The following FBXO27 variants were observed in gnomAD, a reference collection of about 807,000 sequenced individuals.
FBXO27 encodes F-box protein 27.
A neutral mutation model predicts 28.3 loss-of-function variants in FBXO27; 28 were observed. That is an observed-to-expected ratio of 0.99 (90% CI 0.73 to 1.36). FBXO27 has a LOEUF of 1.36. FBXO27 is among the 40% of genes most tolerant of loss of function. The probability of loss-of-function intolerance (pLI) is 0.00; values close to 1 mark genes in which losing one functional copy is unlikely to be tolerated. For synonymous variants in FBXO27, 175 were observed against 167.3 expected, an observed-to-expected ratio of 1.05 and a Z score of -0.36; for missense variants, 388 against 394.1, an observed-to-expected ratio of 0.98 and a Z score of 0.13.
At chr19:39,022,695 CA>C (rs1322424336), downstream of FBXO27, among the ~76,000 whole-genome samples, 1 of 152,202 alleles carries the variant, frequency 6.6e-6, no homozygotes, top group Non-Finnish European at 1.5e-5. Context: ...TGGATCACTG[CA>C]ACCTCTGCCT....
chr19:39,032,358 T>C lies in FBXO27; in HGVS notation c.-26-105A>G. 1.6e-6 allele frequency: 2 copies of C among 1,279,342 alleles called. No homozygotes were observed. The highest frequency in any genetic ancestry group is 2.0e-6 in the Non-Finnish European group (2 of 990,268). The allele number at this position is 1,279,342 out of a possible 1,614,324, so 79.2% of individuals were successfully genotyped here. On this transcript the variant is annotated intron_variant, in intron 1 of 5. Coordinates refer to ENST00000292853, the MANE Select transcript of FBXO27 (RefSeq NM_178820.5). This position sits in a 1 kb window ranked among gnomAD's most constrained non-coding sequence, Gnocchi z 4.7. ...GCCGCACCCCCGTCTTCACCATCCCTGGGCCCCGTCCCCAAGTCCCCATCC... is the reference window on the plus strand; with the variant it reads ...GCCGCACCCCCGTCTTCACCATCCCCGGGCCCCGTCCCCAAGTCCCCATCC...
intron 2 of FBXO27, among the ~76,000 whole-genome samples, chr19:39,011,429 C>T (rs931740383): frequency 6.6e-6 from 1 of 152,162 alleles, no homozygotes; most frequent in Non-Finnish European, 1.5e-5. Flanking sequence ...GAAACTCTCT[C>T]TCTCAAAACA....
intron 5 of FBXO27, among the ~76,000 whole-genome samples, chr19:39,026,332 A>T (rs1187438625): frequency 3.3e-5 from 5 of 152,096 alleles, no homozygotes; most frequent in African/African-American, 1.2e-4. Context: ...AGCTACACAC[A>T]TACTACCCAC....
intron 2 of FBXO27, among the ~76,000 whole-genome samples, chr19:39,011,805 T>C (rs541805204): frequency 1.5e-4 from 23 of 149,858 alleles, no homozygotes; most frequent in Admixed American, 1.4e-3. Context: ...TAAGCCACTA[T>C]GCTGAGCCCT....
In FBXO27 at chr19:39,025,168, C is replaced by T; in HGVS notation, c.*243G>A. Reference sequence around the variant, plus strand: ...CCCCCATGCTCACTTGTGGGTTTCCCCTCAGTACAGTAGGGCCCCCCCGCA... The same window carrying T: ...CCCCCATGCTCACTTGTGGGTTTCCTCTCAGTACAGTAGGGCCCCCCCGCA... On this transcript the variant is annotated 3_prime_UTR_variant, in exon 6 of 6. Transcript: ENST00000292853. 2.0e-6 allele frequency: 1 copy of T among 488,810 alleles called. No homozygotes were observed. Among genetic ancestry groups the T allele is most frequent in the Non-Finnish European group, 3.6e-6 (1 of 280,712 alleles). The allele number at this position is 488,810 out of a possible 1,614,324, so 30.3% of individuals were successfully genotyped here.
At chr19:39,016,382 G>A (rs2072819904) in intron 1 of FBXO27, among the ~76,000 whole-genome samples, 1 of 151,978 alleles carries the variant, frequency 6.6e-6, no homozygotes, top group East Asian at 1.9e-4. Context: ...GTGTGCGTGA[G>A]GGGCTGGGGG....
chr19:39,020,688 G>T (rs1366886674), downstream of FBXO27, among the ~76,000 whole-genome samples: 2 of 144,326 alleles, frequency 1.4e-5, no homozygotes, highest in Non-Finnish European at 3.0e-5. Flanking sequence ...TCTATATGTT[G>T]TACATGACCT....
intron 4 of FBXO27, among the ~76,000 whole-genome samples, chr19:39,028,179 T>C (rs565469837): frequency 7.6e-4 from 115 of 152,026 alleles, no homozygotes; most frequent in African/African-American, 2.7e-3. Context: ...TGCAGTGAGC[T>C]GAGATCGCAC....
chr19:39,006,720 G>A (rs1252618865), intron 2 of FBXO27, among the ~76,000 whole-genome samples: 2 of 152,088 alleles, frequency 1.3e-5, no homozygotes, highest in Non-Finnish European at 2.9e-5. Context: ...GTAAGTTGAA[G>A]CTGATCTGAA....
At chr19:39,029,810 A>C (rs2072892553) in intron 4 of FBXO27, among the ~76,000 whole-genome samples, 1 of 152,142 alleles carries the variant, frequency 6.6e-6, no homozygotes, top group South Asian at 2.1e-4. Context: ...GGTTCTGCCA[A>C]GCCCAGGCTG....
chr19:39,016,331 T>C (rs543485977), intron 1 of FBXO27, among the ~76,000 whole-genome samples: 1 of 151,902 alleles, frequency 6.6e-6, no homozygotes, highest in South Asian at 2.1e-4. Flanking sequence ...CATGTACCAC[T>C]CTGGTGGGGG....
intron 2 of FBXO27, among the ~76,000 whole-genome samples, chr19:39,012,054 C>T (rs1193662559): frequency 1.3e-5 from 2 of 151,492 alleles, no homozygotes; most frequent in Admixed American, 6.6e-5. Flanking sequence ...AGGATGGTCT[C>T]GATCTCCTGA....
intron 4 of FBXO27, among the ~76,000 whole-genome samples, chr19:39,028,919 G>A (rs528950268): frequency 4.3e-4 from 66 of 151,868 alleles, no homozygotes; most frequent in African/African-American, 1.2e-3. Flanking sequence ...GTATGCACCT[G>A]TAGTCCCAGT....
chr19:39,008,538 T>C lies in FBXO27; in HGVS notation c.252+5849A>G, dbSNP rs369553815. Among the ~76,000 whole-genome samples, 21 of 152,300 alleles carry C rather than the reference T, an allele frequency of 1.4e-4. No individual in the cohort carries two copies. In the South Asian group the frequency reaches 4.1e-3, roughly 30 times the overall value. ...TATATAAATCACTATTTTAGCCATTTAAAAATGTATATAATTCAGTGGTTT... is the reference window on the plus strand; with the variant it reads ...TATATAAATCACTATTTTAGCCATTCAAAAATGTATATAATTCAGTGGTTT... On this transcript the variant is annotated intron_variant, in intron 2 of 2. Transcript: ENST00000598394.
chr19:39,013,458 C>T (rs149556482), intron 2 of FBXO27, among the ~76,000 whole-genome samples: 1,646 of 151,536 alleles, frequency 0.011, 33 homozygotes, highest in African/African-American at 0.038. Flanking sequence ...GGTGAAGCCC[C>T]GTCTCTACTA....
At chr19:39,021,956 C>T (rs78474339), downstream of FBXO27, among the ~76,000 whole-genome samples, 17,908 of 151,900 alleles carry the variant, frequency 0.12, 1,196 homozygotes, top group African/African-American at 0.15. Flanking sequence ...CCACCACATC[C>T]GGCTATCCTC....
intron 1 of FBXO27, among the ~76,000 whole-genome samples, chr19:39,018,935 G>C (rs1042063824): frequency 2.6e-5 from 4 of 151,836 alleles, no homozygotes; most frequent in African/African-American, 4.8e-5. Context: ...TGGGCATGGT[G>C]GTGGGTGCCT....
At chr19:39,031,768 C>CTCCT in intron 2 of FBXO27, 96 bp downstream of exon 2, 1 of 1,246,004 alleles carries the variant, frequency 8.0e-7, no homozygotes, top group Non-Finnish European at 1.0e-6. Context: ...GCCCCTGCGG[C>CTCCT]CCCTAGTACC....
At chr19:39,007,078 A>AAC (rs2094316884) in intron 2 of FBXO27, among the ~76,000 whole-genome samples, 2 of 145,350 alleles carry the variant, frequency 1.4e-5, no homozygotes, top group Admixed American at 6.8e-5. Context: ...AAAAAAAAAA[A>AAC]TACAGAAAAG....
Sources: allele counts gnomAD v4.1 joint callset (sites outside exome capture counted in the v4.1 genomes callset), GRCh38; gene constraint gnomAD v4.1.1; non-coding constraint Gnocchi (gnomAD v3.1); transcripts MANE v1.5; gene names NCBI Gene and HGNC (gene_info 2026-07-23, HGNC 2026-07-21).